Variants in MAN1C1 observed in about 807,000 individuals in gnomAD.
MAN1C1 encodes the protein mannosidase alpha class 1C member 1, also known as mannosyl-oligosaccharide 1,2-alpha-mannosidase IC.
In MAN1C1, 49 loss-of-function variants were observed where a neutral mutation model predicts 71.5. That is an observed-to-expected ratio of 0.69 (90% confidence interval 0.54 to 0.87). The LOEUF is 0.87. MAN1C1 is among the 40% of genes least tolerant of loss of function. MAN1C1 has a pLI of 0.00. For synonymous variants in MAN1C1, 352 were observed against 343.7 expected (o/e 1.02, Z -0.27); for missense variants, 743 against 835.0 (o/e 0.89, Z 1.36).
intron 1 of MAN1C1, among the ~76,000 whole-genome samples, chr1:25,671,969 G>A (rs1041939594): frequency 2.6e-5 from 4 of 152,228 alleles, no homozygotes; most frequent in African/African-American, 9.6e-5. Flanking sequence ...ATGGAGGCTG[G>A]GAAGTTCCAC....
chr1:25,765,234 T>A (rs1030765979), intron 7 of MAN1C1, among the ~76,000 whole-genome samples: 1 of 152,102 alleles, frequency 6.6e-6, no homozygotes, highest in Non-Finnish European at 1.5e-5. Flanking sequence ...TTGGGGTCGC[T>A]TAGGTGTGAG....
chr1:25,676,291 C>A (rs575966613), intron 1 of MAN1C1, among the ~76,000 whole-genome samples: 1 of 152,214 alleles, frequency 6.6e-6, no homozygotes, highest in Admixed American at 6.5e-5. Context: ...CTTGAGTAAA[C>A]CCGAAACTGA....
intron 1 of MAN1C1, among the ~76,000 whole-genome samples, chr1:25,657,490 G>T (rs1234314009): frequency 1.3e-5 from 2 of 152,162 alleles, no homozygotes. Flanking sequence ...TGAATCATCC[G>T]CACACAGAAG....
chr1:25,733,024 T>C (rs1411379961), intron 2 of MAN1C1, among the ~76,000 whole-genome samples: 1 of 152,188 alleles, frequency 6.6e-6, no homozygotes, highest in East Asian at 1.9e-4. Flanking sequence ...TGGGAGGCTC[T>C]GGCACTGTCA....
At chr1:25,756,451 G>A (rs895227746) in intron 5 of MAN1C1, among the ~76,000 whole-genome samples, 3 of 112,642 alleles carry the variant, frequency 2.7e-5, no homozygotes, top group Non-Finnish European at 4.3e-5. Flanking sequence ...AGGAAGGAGA[G>A]GCCCATGTGG....
intron 1 of MAN1C1, among the ~76,000 whole-genome samples, chr1:25,656,117 T>TTTTTTTTTTTTTTTTTTTTGAAA (rs869216857): frequency 7.0e-6 from 1 of 143,238 alleles, no homozygotes; most frequent in Non-Finnish European, 1.5e-5. Context: ...TTTTTTTTTT[T>TTTTTTTTTTTTTTTTTTTTGAAA]GAGACAGTCT....
At chr1:25,768,984 C>T (rs563580005) in intron 7 of MAN1C1, among the ~76,000 whole-genome samples, 72 of 148,440 alleles carry the variant, frequency 4.9e-4, no homozygotes, top group Non-Finnish European at 9.9e-4. Context: ...CACACACTCC[C>T]CTCACATATA....
At chr1:25,700,955 A>G (rs1407659979) in intron 2 of MAN1C1, among the ~76,000 whole-genome samples, 4 of 152,266 alleles carry the variant, frequency 2.6e-5, no homozygotes, top group African/African-American at 9.6e-5. Flanking sequence ...CTGTCTGCAC[A>G]GGGCTGACTT....
intron 1 of MAN1C1, among the ~76,000 whole-genome samples, chr1:25,682,320 C>A (rs560200688): frequency 6.6e-6 from 1 of 152,230 alleles, no homozygotes; most frequent in South Asian, 2.1e-4. Flanking sequence ...GGATCTGGAA[C>A]CAGAGAGATC....
chr1:25,689,012 C>T (rs1414759474), intron 2 of MAN1C1, among the ~76,000 whole-genome samples: 1 of 152,142 alleles, frequency 6.6e-6, no homozygotes, highest in Non-Finnish European at 1.5e-5. Context: ...GCAGATCAGC[C>T]GCAGTGGGTG....
intron 2 of MAN1C1, among the ~76,000 whole-genome samples, chr1:25,729,458 G>A (rs2046879918): frequency 6.6e-6 from 1 of 151,722 alleles, no homozygotes; most frequent in Admixed American, 6.6e-5. Flanking sequence ...CAAGGCAGGC[G>A]TCCCATTTTC....
At chr1:25,672,364 T>C (rs1329596051) in intron 1 of MAN1C1, among the ~76,000 whole-genome samples, 3 of 152,182 alleles carry the variant, frequency 2.0e-5, no homozygotes, top group East Asian at 3.9e-4. Context: ...CTTGCAGACA[T>C]ACCCTTTCCA....
intron 5 of MAN1C1, among the ~76,000 whole-genome samples, chr1:25,757,038 C>G (rs995960382): frequency 6.6e-6 from 1 of 152,124 alleles, no homozygotes; most frequent in Non-Finnish European, 1.5e-5. Context: ...AAAACCCGAG[C>G]CCTTCGTCTG....
At chr1:25,685,143 G>A (rs1190828923) in intron 1 of MAN1C1, among the ~76,000 whole-genome samples, 2 of 152,214 alleles carry the variant, frequency 1.3e-5, no homozygotes, top group Non-Finnish European at 2.9e-5. Flanking sequence ...TGTCTGGTCG[G>A]AAACTGGGCA....
chr1:25,672,699 TAA>T (rs1388782058), intron 1 of MAN1C1, among the ~76,000 whole-genome samples: 1 of 152,182 alleles, frequency 6.6e-6, no homozygotes, highest in African/African-American at 2.4e-5. Context: ...TCTGAAACCT[TAA>T]TTCCATCTTA....
intron 2 of MAN1C1, among the ~76,000 whole-genome samples, chr1:25,737,520 A>G (rs1039520512): frequency 3.9e-5 from 6 of 152,128 alleles, no homozygotes; most frequent in African/African-American, 1.4e-4. Flanking sequence ...GGCATTTCCA[A>G]TCGCCATTCA....
At chr1:25,654,314 G>A (rs1177852211) in intron 1 of MAN1C1, 1 of 152,234 alleles carries the variant, frequency 6.6e-6, no homozygotes, top group Non-Finnish European at 1.5e-5. Flanking sequence ...TGTGGTCCTA[G>A]AGGACCCCAG....
intron 2 of MAN1C1, among the ~76,000 whole-genome samples, chr1:25,733,170 G>C (rs560761661): frequency 1.3e-5 from 2 of 152,256 alleles, no homozygotes; most frequent in Non-Finnish European, 2.9e-5. Flanking sequence ...TGCCTTCACA[G>C]GGTCTCAAAG....
intron 2 of MAN1C1, among the ~76,000 whole-genome samples, chr1:25,729,552 C>T (rs980597434): frequency 6.6e-6 from 1 of 151,506 alleles, no homozygotes; most frequent in Non-Finnish European, 1.5e-5. Flanking sequence ...AGTTCTGTCA[C>T]CCAGGCTGGA....
Sources: gnomAD v4.1 joint callset for allele counts (sites outside exome capture counted in the v4.1 genomes callset) on GRCh38, gnomAD v4.1.1 for gene constraint, MANE v1.5 for transcripts, NCBI Gene and HGNC (gene_info 2026-07-23, HGNC 2026-07-21) for gene names.